PRKN: variants seen among roughly 807,000 people sequenced by gnomAD.
PRKN encodes parkin RBR E3 ubiquitin protein ligase.
PRKN carries 56 observed loss-of-function variants against 59.5 expected under a neutral mutation model. The ratio of observed to expected loss-of-function variants is 0.94; its 90% CI spans 0.76 to 1.18. The LOEUF (loss-of-function observed/expected upper bound fraction) is 1.18. Ranked by LOEUF, PRKN falls within the 50% of genes most tolerant of loss-of-function variation. The pLI, the probability that PRKN is intolerant of heterozygous loss-of-function variation, is 0.00. For missense variants in PRKN, 657 were observed against 596.4 expected, an observed-to-expected ratio of 1.10 and a Z score of -1.06; for synonymous variants, 250 against 222.1, an observed-to-expected ratio of 1.13 and a Z score of -1.12.
intron 6 of PRKN, among the ~76,000 whole-genome samples, chr6:161,804,851 A>C (rs1435577360): frequency 1.3e-5 from 2 of 152,262 alleles, no homozygotes; most frequent in African/African-American, 4.8e-5. Flanking sequence ...AGAAGGGCCT[A>C]ATCCAGTACT....
intron 5 of PRKN, among the ~76,000 whole-genome samples, chr6:162,011,420 TTTATAATATATATGTTATA>T (rs1782690915): frequency 7.5e-5 from 1 of 13,350 alleles, no homozygotes; most frequent in Non-Finnish European, 1.1e-4. Context: ...TATATTATAT[TTTATAATATATATGTTATA>T]TATTTATAAT....
chr6:162,154,235 C>T (rs1378568560), intron 4 of PRKN, among the ~76,000 whole-genome samples: 2 of 152,122 alleles, frequency 1.3e-5, no homozygotes, highest in Non-Finnish European at 2.9e-5. Flanking sequence ...TCTGATTTCC[C>T]CTCTGACATA....
At chr6:162,689,204 G>A (rs770802732) in intron 1 of PRKN, among the ~76,000 whole-genome samples, 5 of 152,082 alleles carry the variant, frequency 3.3e-5, no homozygotes, top group Admixed American at 1.3e-4. Context: ...ATAATTCATC[G>A]GTCTTTCTTA....
At chr6:161,733,791 T>TATATATATATATATAC (rs1554298479) in intron 7 of PRKN, among the ~76,000 whole-genome samples, 1 of 66,936 alleles carries the variant, frequency 1.5e-5, no homozygotes, top group African/African-American at 6.2e-5. Flanking sequence ...AAAATATATA[T>TATATATATATATATAC]ATATATGTAT....
chr6:162,112,766 C>T (rs776459762), intron 4 of PRKN, among the ~76,000 whole-genome samples: 15 of 151,688 alleles, frequency 9.9e-5, no homozygotes, highest in Non-Finnish European at 1.8e-4. Context: ...TAGTGAGACC[C>T]CCATCTTTAC....
At chr6:161,775,470 C>T (rs1789884168) in intron 7 of PRKN, among the ~76,000 whole-genome samples, 1 of 152,106 alleles carries the variant, frequency 6.6e-6, no homozygotes. Context: ...CCTCAAATTC[C>T]TAGGCTTAAG....
At chr6:161,583,955 G>A (rs1781436180) in intron 7 of PRKN, among the ~76,000 whole-genome samples, 1 of 152,178 alleles carries the variant, frequency 6.6e-6, no homozygotes, top group South Asian at 2.1e-4. Context: ...CCGGGTTAAA[G>A]TATCGTTCCA....
Position 162,073,440 on chromosome 6 carries a change from TTTG to T in PRKN, c.535-19269_535-19267del, listed in dbSNP as rs1312041388. On this transcript the variant is annotated intron_variant, in intron 4 of 11. Transcript: ENST00000366898. ...TACTACCTCTATAGCTTTGGGTTTT[TTTG>T]TTGTTGTTTTTTGTGTGTCTGTTTT... Among the ~76,000 whole-genome samples the T allele has an allele frequency of 4.6e-5, 7 of 152,272 alleles. No individual in the cohort carries two copies. The East Asian group carries it at 7.7e-4, about 17-fold the overall frequency.
At chr6:161,727,661 C>T (rs181722606) in intron 7 of PRKN, among the ~76,000 whole-genome samples, 18 of 152,264 alleles carry the variant, frequency 1.2e-4, no homozygotes, top group African/African-American at 4.1e-4. Context: ...CTAAGTCCCC[C>T]TTTAAGCCTT....
rs1294468222 is a variant in PRKN at position 161,527,923 on chromosome 6, T to C, written c.1083+20931A>G. 1.3e-5 allele frequency among the ~76,000 whole-genome samples: 2 copies of C among 152,198 alleles called. No individual in the cohort carries two copies. Among genetic ancestry groups the C allele is most frequent in the Non-Finnish European group, 2.9e-5 (2 of 68,032 alleles). On this transcript the variant is annotated intron_variant, in intron 9 of 11. Transcript: ENST00000366898. This position sits in a 1 kb window ranked among gnomAD's most constrained non-coding sequence, Gnocchi z 4.6. ...AAGGCCACAGGCATTACTGCCTCCT[T>C]TAACACAGCACTGCTTTTAAACATT...
intron 7 of PRKN, among the ~76,000 whole-genome samples, chr6:161,606,933 G>A (rs538379675): frequency 6.6e-6 from 1 of 152,282 alleles, no homozygotes; most frequent in Admixed American, 6.5e-5. Context: ...GTGGATCTGG[G>A]CTCAGGCCAC....
intron 2 of PRKN, among the ~76,000 whole-genome samples, chr6:162,311,762 G>A (rs1486092110): frequency 6.6e-6 from 1 of 151,992 alleles, no homozygotes; most frequent in Non-Finnish European, 1.5e-5. Flanking sequence ...GCCTTCCCAA[G>A]GGAGGGTCTG....
intron 3 of PRKN, among the ~76,000 whole-genome samples, chr6:162,239,906 G>T (rs1411333762): frequency 6.6e-6 from 1 of 152,020 alleles, no homozygotes; most frequent in Non-Finnish European, 1.5e-5. Context: ...AATAACCCAG[G>T]CCTCCCAGAT....
chr6:161,939,213 T>C (rs1269653329), intron 6 of PRKN, among the ~76,000 whole-genome samples: 1 of 151,414 alleles, frequency 6.6e-6, no homozygotes. Context: ...AGGCCAGTAA[T>C]TCCAGACCAG....
intron 9 of PRKN, among the ~76,000 whole-genome samples, chr6:161,465,493 T>G (rs891767725): frequency 6.6e-6 from 1 of 151,760 alleles, no homozygotes. Context: ...TTTTTTTTTT[T>G]ACTAGACATG....
At chr6:161,420,227 G>A (rs776902229) in intron 9 of PRKN, among the ~76,000 whole-genome samples, 1 of 141,242 alleles carries the variant, frequency 7.1e-6, no homozygotes, top group East Asian at 2.0e-4. Flanking sequence ...GCGACAGAGC[G>A]AGACTATGTC....
chr6:162,008,088 A>C (rs554513591), intron 5 of PRKN, among the ~76,000 whole-genome samples: 4 of 152,340 alleles, frequency 2.6e-5, no homozygotes, highest in African/African-American at 4.8e-5. Flanking sequence ...GGATTACCTA[A>C]GACCAAAAAA....
intron 7 of PRKN, among the ~76,000 whole-genome samples, chr6:161,613,069 TG>T: frequency 6.6e-6 from 1 of 152,318 alleles, no homozygotes; most frequent in East Asian, 1.9e-4. Flanking sequence ...CTGATGGATC[TG>T]GGCAAAGTAC....
chr6:162,021,916 A>C (rs1783220500), intron 5 of PRKN, among the ~76,000 whole-genome samples: 1 of 152,072 alleles, frequency 6.6e-6, no homozygotes, highest in Non-Finnish European at 1.5e-5. Context: ...CCCATCGTTT[A>C]GTTCCCACTT....
Sources: gnomAD v4.1 joint callset for allele counts (sites outside exome capture counted in the v4.1 genomes callset) on GRCh38, gnomAD v4.1.1 for gene constraint, Gnocchi (gnomAD v3.1) non-coding constraint, MANE v1.5 for transcripts, NCBI Gene and HGNC (gene_info 2026-07-23, HGNC 2026-07-21) for gene names.